ZNG1B: variants seen among roughly 807,000 people sequenced by gnomAD.
ZNG1B encodes Zn regulated GTPase metalloprotein activator 1B, also known as zinc-regulated GTPase metalloprotein activator 1B.
At chr2:113,448,845 T>A in the ZNG1B span, among the ~76,000 whole-genome samples, 40,182 of 149,046 alleles carry the variant, frequency 0.27, 6,053 homozygotes, top group East Asian at 0.52. Flanking sequence ...CGGAGGTGGC[T>A]GTAAGCTGAG....
At chr2:113,455,647 A>T in the ZNG1B span, 1,104 of 1,286,856 alleles carry the variant, frequency 8.6e-4, 4 homozygotes, top group Middle Eastern at 1.3e-3. Flanking sequence ...CAAAGCAGTA[A>T]TTTCTTAGAA....
chr2:113,469,938 A>C, the ZNG1B span: 1 of 151,386 alleles, frequency 6.6e-6, no homozygotes, highest in South Asian at 2.1e-4. Flanking sequence ...CATTTTCTTT[A>C]AATATTTCTT....
chr2:113,471,192 C>A, the ZNG1B span: 47 of 1,382,028 alleles, frequency 3.4e-5, no homozygotes, highest in Non-Finnish European at 4.5e-5. Flanking sequence ...AAGCTTCCTG[C>A]CATTCCTTTG....
At chr2:113,462,559 T>G in the ZNG1B span, 2 of 1,551,242 alleles carry the variant, frequency 1.3e-6, no homozygotes, top group South Asian at 2.2e-5. Flanking sequence ...TATTTTTTAC[T>G]CTGATTGTTG....
chr2:113,453,459 G>T, the ZNG1B span, among the ~76,000 whole-genome samples: 1 of 150,808 alleles, frequency 6.6e-6, no homozygotes, highest in Middle Eastern at 3.2e-3. Context: ...CGCCATGTTG[G>T]CCTGACTGGT....
At chr2:113,486,188 CAAAT>C in the ZNG1B span, among the ~76,000 whole-genome samples, 1 of 122,294 alleles carries the variant, frequency 8.2e-6, no homozygotes, top group East Asian at 2.6e-4. Flanking sequence ...ACCCAAGTGA[CAAAT>C]AATGTTTAGT....
At chr2:113,485,591 A>ATATTT in the ZNG1B span, among the ~76,000 whole-genome samples, 1 of 148,232 alleles carries the variant, frequency 6.7e-6, no homozygotes, top group Non-Finnish European at 1.5e-5. Flanking sequence ...AGAAACCTAG[A>ATATTT]AATAGAAAAA....
chr2:113,451,805 CA>C, the ZNG1B span, among the ~76,000 whole-genome samples: 4 of 150,670 alleles, frequency 2.7e-5, no homozygotes, highest in East Asian at 7.8e-4. Context: ...ACTTAAGAGG[CA>C]AATATTAACA....
chr2:113,480,021 A>G, the ZNG1B span, among the ~76,000 whole-genome samples: 22 of 151,458 alleles, frequency 1.5e-4, 1 homozygote, highest in South Asian at 4.4e-3. Context: ...AGGTTTTGCC[A>G]TGTTGCCGAA....
chr2:113,486,582 C>G, the ZNG1B span, among the ~76,000 whole-genome samples: 745 of 148,084 alleles, frequency 5.0e-3, no homozygotes, highest in African/African-American at 0.018. Flanking sequence ...TGGTGAAACC[C>G]CATTTCTGCA....
At chr2:113,460,659 T>G in the ZNG1B span, 3 of 1,588,914 alleles carry the variant, frequency 1.9e-6, no homozygotes, top group Non-Finnish European at 2.6e-6. Flanking sequence ...TTATTCAAAC[T>G]TTTTTTTGTT....
At chr2:113,454,809 T>G in the ZNG1B span, 5 of 1,561,454 alleles carry the variant, frequency 3.2e-6, no homozygotes, top group Non-Finnish European at 4.4e-6. Flanking sequence ...GAGTGGCTCA[T>G]TATTGAGAGC....
chr2:113,453,843 C>T, the ZNG1B span, among the ~76,000 whole-genome samples: 14 of 149,848 alleles, frequency 9.3e-5, no homozygotes, highest in East Asian at 2.8e-3. Context: ...TTTTAATCCT[C>T]CAGGCAATAT....
At chr2:113,481,154 G>A in the ZNG1B span, among the ~76,000 whole-genome samples, 1 of 135,682 alleles carries the variant, frequency 7.4e-6, no homozygotes, top group Non-Finnish European at 1.6e-5. Context: ...ATTAAATACT[G>A]AACATATGGG....
the ZNG1B span, among the ~76,000 whole-genome samples, chr2:113,438,800 A>C: frequency 3.9e-5 from 6 of 152,244 alleles, no homozygotes; most frequent in Admixed American, 6.5e-5. Flanking sequence ...AGTTTGGAAA[A>C]AGTTAAGAAA....
At chr2:113,484,054 G>A in the ZNG1B span, among the ~76,000 whole-genome samples, 3 of 136,890 alleles carry the variant, frequency 2.2e-5, no homozygotes, top group Admixed American at 7.5e-5. Flanking sequence ...TCTTTTCCTC[G>A]CCTATCACTA....
the ZNG1B span, among the ~76,000 whole-genome samples, chr2:113,438,506 G>A: frequency 6.6e-6 from 1 of 152,166 alleles, no homozygotes; most frequent in Non-Finnish European, 1.5e-5. Context: ...CAGCCAGTTG[G>A]CAGGGAGCGC....
the ZNG1B span, among the ~76,000 whole-genome samples, chr2:113,474,777 G>C: frequency 6.6e-6 from 1 of 152,098 alleles, no homozygotes. Flanking sequence ...AGGTTGTTCG[G>C]TTTCCATGTA....
chr2:113,443,067 C>T, the ZNG1B span, among the ~76,000 whole-genome samples: 31,757 of 149,788 alleles, frequency 0.21, 3,404 homozygotes, highest in East Asian at 0.51. Flanking sequence ...CTCCCGGGTT[C>T]ACGCCATTCT....
Sources: gnomAD v4.1 joint callset for allele counts (sites outside exome capture counted in the v4.1 genomes callset) on GRCh38, gnomAD v4.1.1 for gene constraint, MANE v1.5 for transcripts, NCBI Gene and HGNC (gene_info 2026-07-23, HGNC 2026-07-21) for gene names.